BRINP3: variants seen among roughly 807,000 people sequenced by gnomAD.
BRINP3 encodes BMP/retinoic acid-inducible neural-specific protein 3.
In BRINP3, 19 loss-of-function variants were observed where a neutral mutation model predicts 71.0. The observed-to-expected ratio is 0.27, with a 90% CI of 0.19 to 0.39. BRINP3 has a LOEUF of 0.39. BRINP3 is among the 10% of genes least tolerant of loss of function. BRINP3 has a pLI of 1.00. For missense variants in BRINP3, 959 were observed against 940.8 expected, an observed-to-expected ratio of 1.02 and a Z score of -0.25; for synonymous variants, 380 against 337.7, an observed-to-expected ratio of 1.13 and a Z score of -1.37.
At chr1:190,443,344 G>C (rs1432322193) in intron 2 of BRINP3, among the ~76,000 whole-genome samples, 1 of 151,270 alleles carries the variant, frequency 6.6e-6, no homozygotes, top group East Asian at 2.0e-4. Flanking sequence ...GGCGGAGCTT[G>C]CAGTGAGCCG....
At chr1:190,140,320 T>C (rs1052507661) in intron 7 of BRINP3, among the ~76,000 whole-genome samples, 4 of 152,148 alleles carry the variant, frequency 2.6e-5, no homozygotes, top group Admixed American at 1.3e-4. Flanking sequence ...TTAGTCTAAA[T>C]ATAAAGATTC....
intron 3 of BRINP3, among the ~76,000 whole-genome samples, chr1:190,275,737 C>T (rs923331978): frequency 1.3e-5 from 2 of 151,552 alleles, no homozygotes; most frequent in Non-Finnish European, 3.0e-5. Flanking sequence ...TAGAACTTAA[C>T]ATTTATCTTT....
intron 2 of BRINP3, among the ~76,000 whole-genome samples, chr1:190,418,071 AC>A (rs1673124254): frequency 6.6e-6 from 1 of 152,200 alleles, no homozygotes; most frequent in Non-Finnish European, 1.5e-5. Context: ...GGTTAAGTAT[AC>A]CTAATTCCTG....
intron 1 of BRINP3, among the ~76,000 whole-genome samples, chr1:190,473,714 A>G (rs1247548814): frequency 6.6e-6 from 1 of 151,794 alleles, no homozygotes; most frequent in Non-Finnish European, 1.5e-5. Flanking sequence ...TGGCTGCTCA[A>G]TCTACAAAAC....
At chr1:190,178,771 G>T (rs1182379054) in intron 6 of BRINP3, among the ~76,000 whole-genome samples, 1 of 151,864 alleles carries the variant, frequency 6.6e-6, no homozygotes, top group Admixed American at 6.6e-5. Context: ...TGCTAAAAAA[G>T]AAATATTTAA....
Position 190,098,016 on chromosome 1 carries a change from G to T in BRINP3, c.*2C>A. The T allele has an allele frequency of 6.3e-7, 1 of 1,595,390 alleles. No homozygotes were observed. Among genetic ancestry groups the T allele is most frequent in the Non-Finnish European group, 8.5e-7 (1 of 1,170,098 alleles). On this transcript the variant is annotated 3_prime_UTR_variant, in exon 8 of 8. Transcript: ENST00000367462. ...ATTTTGGGTTGTGCTTGACATTTAT[G>T]GTTAACTACATAATTTGGTCGTGTC...
intron 6 of BRINP3, among the ~76,000 whole-genome samples, chr1:190,209,031 T>C (rs1655758836): frequency 6.6e-6 from 1 of 152,132 alleles, no homozygotes; most frequent in African/African-American, 2.4e-5. Flanking sequence ...AAACTCCTTA[T>C]ATTATGCAAT....
chr1:190,434,971 T>C (rs561984802), intron 2 of BRINP3, among the ~76,000 whole-genome samples: 15 of 152,310 alleles, frequency 9.8e-5, no homozygotes, highest in African/African-American at 3.6e-4. Flanking sequence ...TATAGTTTTC[T>C]GTGCTCTATG....
At chr1:190,278,243 A>G (rs962838981) in intron 3 of BRINP3, among the ~76,000 whole-genome samples, 1 of 151,786 alleles carries the variant, frequency 6.6e-6, no homozygotes, top group Non-Finnish European at 1.5e-5. Flanking sequence ...TAGTCATAAT[A>G]CAACTGGCTT....
chr1:190,310,504 G>C (rs1361498086), intron 2 of BRINP3, among the ~76,000 whole-genome samples: 1 of 151,476 alleles, frequency 6.6e-6, no homozygotes, highest in East Asian at 1.9e-4. Flanking sequence ...ATTTCTTTCT[G>C]GAAAAAATAT....
chr1:190,417,729 C>T (rs1275291104), intron 2 of BRINP3, among the ~76,000 whole-genome samples: 1 of 152,010 alleles, frequency 6.6e-6, no homozygotes, highest in Non-Finnish European at 1.5e-5. Flanking sequence ...GTTATAAATG[C>T]AAAGACTATT....
chr1:190,125,967 A>G (rs1347523834), intron 7 of BRINP3, among the ~76,000 whole-genome samples: 1 of 149,852 alleles, frequency 6.7e-6, no homozygotes, highest in Non-Finnish European at 1.5e-5. Context: ...GCCCTCTAAC[A>G]CTGTGAATAC....
intron 1 of BRINP3, chr1:190,476,122 G>A (rs1033584963): frequency 6.6e-6 from 1 of 152,072 alleles, no homozygotes; most frequent in Non-Finnish European, 1.5e-5. Flanking sequence ...GAGACGGGGG[G>A]ATGGGGCGAC....
intron 6 of BRINP3, among the ~76,000 whole-genome samples, chr1:190,211,590 A>C (rs1284503000): frequency 2.6e-5 from 4 of 152,134 alleles, no homozygotes; most frequent in Non-Finnish European, 2.9e-5. Flanking sequence ...GCTTTTATGT[A>C]ACAATGCAAA....
intron 4 of BRINP3, among the ~76,000 whole-genome samples, chr1:190,242,186 G>A (rs532660071): frequency 2.0e-5 from 3 of 152,006 alleles, no homozygotes; most frequent in East Asian, 1.9e-4. Context: ...GTAGCAAAAT[G>A]TTTCTTAATT....
At chr1:190,351,325 CAT>C (rs1668371972) in intron 2 of BRINP3, among the ~76,000 whole-genome samples, 1 of 152,044 alleles carries the variant, frequency 6.6e-6, no homozygotes, top group Non-Finnish European at 1.5e-5. Context: ...AGATTGCTAA[CAT>C]ATGCAAAACT....
intron 7 of BRINP3, among the ~76,000 whole-genome samples, chr1:190,114,559 T>C (rs1476943901): frequency 1.3e-5 from 2 of 151,310 alleles, no homozygotes; most frequent in Non-Finnish European, 2.9e-5. Flanking sequence ...TGTGTGTGTG[T>C]GTGCATGTGT....
chr1:190,247,722 C>A (rs1027380337), intron 4 of BRINP3, among the ~76,000 whole-genome samples: 1 of 151,766 alleles, frequency 6.6e-6, no homozygotes, highest in Non-Finnish European at 1.5e-5. Flanking sequence ...TCTTTTCGTC[C>A]CACATGTGAG....
chr1:190,134,164 G>T (rs906495141), intron 7 of BRINP3, among the ~76,000 whole-genome samples: 3 of 152,084 alleles, frequency 2.0e-5, no homozygotes, highest in African/African-American at 7.2e-5. Flanking sequence ...AATACATGAG[G>T]TCTACGGTGG....
Sources: gnomAD v4.1 joint callset for allele counts (sites outside exome capture counted in the v4.1 genomes callset) on GRCh38, gnomAD v4.1.1 for gene constraint, MANE v1.5 for transcripts, NCBI Gene and HGNC (gene_info 2026-07-23, HGNC 2026-07-21) for gene names.